Variants in SLC7A5 observed in about 807,000 individuals in gnomAD.
SLC7A5 encodes the protein large neutral amino acids transporter small subunit 1.
Under a neutral mutation model 50.2 loss-of-function variants are expected in SLC7A5, and 23 were observed. The ratio of observed to expected loss-of-function variants is 0.46; its 90% CI spans 0.33 to 0.65. SLC7A5 has a LOEUF of 0.65. SLC7A5 is among the 30% of genes least tolerant of loss of function. The pLI is 0.02. For synonymous variants in SLC7A5, 393 were observed against 330.6 expected (o/e 1.19, Z -2.05); for missense variants, 578 against 684.4 (o/e 0.84, Z 1.73).
chr16:87,856,860 A>G (rs2055328547), intron 1 of SLC7A5, among the ~76,000 whole-genome samples: 1 of 152,154 alleles, frequency 6.6e-6, no homozygotes, highest in Admixed American at 6.5e-5. Context: ...GGGGAGGCGG[A>G]TGGAAACCCA....
At chr16:87,851,041 A>G (rs901892026) in intron 2 of SLC7A5, among the ~76,000 whole-genome samples, 1 of 152,262 alleles carries the variant, frequency 6.6e-6, no homozygotes, top group African/African-American at 2.4e-5. Context: ...AAAAAGGCTC[A>G]GAATCAGTGA....
At chr16:87,866,887 C>T (rs141511561) in intron 1 of SLC7A5, among the ~76,000 whole-genome samples, 18 of 152,194 alleles carry the variant, frequency 1.2e-4, no homozygotes, top group African/African-American at 4.1e-4. Flanking sequence ...GCATTTCCCA[C>T]GACTCACTCC....
chr16:87,853,094 C>G lies in SLC7A5; in HGVS notation c.539-1245G>C, dbSNP rs556531115. 6.6e-6 allele frequency among the ~76,000 whole-genome samples: 1 copy of G among 151,824 alleles called. No individual in the cohort carries two copies. Among genetic ancestry groups the G allele is most frequent in the Non-Finnish European group, 1.5e-5 (1 of 68,040 alleles). ...AGGAAGGTGAGAGCATCAGAAAGGCCGTGGGCTCCTCTTCTCTCTTTCCCC... is the reference window on the plus strand; with the variant it reads ...AGGAAGGTGAGAGCATCAGAAAGGCGGTGGGCTCCTCTTCTCTCTTTCCCC... On this transcript the variant is annotated intron_variant, in intron 1 of 9. Transcript: ENST00000261622. This position sits in a 1 kb window ranked among gnomAD's most constrained non-coding sequence, Gnocchi z 4.4.
chr16:87,832,808 G>C lies in SLC7A5; in HGVS notation c.*162C>G. 4.3e-6 allele frequency: 3 copies of C among 692,046 alleles called. No homozygotes were observed. Among genetic ancestry groups the C allele is most frequent in the Non-Finnish European group, 8.0e-6 (3 of 374,622 alleles). 42.9% of individuals were successfully genotyped at this position (692,046 alleles called of 1,614,324 possible). The stretch of plus-strand genomic sequence containing the variant: ...CAGTTGAGGGATGAGATTCGTACCA[G>C]AGTTTTCACAGCAGCCTCCACTGCC... On this transcript the variant is annotated 3_prime_UTR_variant, in exon 10 of 10. Coordinates refer to ENST00000261622, the MANE Select transcript of SLC7A5 (RefSeq NM_003486.7). This position sits in a 1 kb window ranked among gnomAD's most constrained non-coding sequence, Gnocchi z 4.6.
rs1172853707 is a variant in SLC7A5 at position 87,841,638 on chromosome 16, G to A, written c.665-483C>T. On this transcript the variant is annotated intron_variant, in intron 2 of 9. Transcript: ENST00000261622. The surrounding 1 kb of genome is among the most constrained non-coding windows in gnomAD (Gnocchi z 4.8). Reference sequence around the variant, plus strand: ...TCGGAACAGACTGCCCTCCCTCCAGGGCTGGCAGGACAGGCCTGGGCAAGA... The same window carrying A: ...TCGGAACAGACTGCCCTCCCTCCAGAGCTGGCAGGACAGGCCTGGGCAAGA... Among the ~76,000 whole-genome samples, 1 of 152,190 alleles carries A rather than the reference G, an allele frequency of 6.6e-6. No individual in the cohort carries two copies. Among genetic ancestry groups the A allele is most frequent in the African/African-American group, 2.4e-5 (1 of 41,440 alleles).
Position 87,839,839 on chromosome 16 carries a change from GGAC to G in SLC7A5, c.816-17_816-15del, listed in dbSNP as rs758171933. 1 of 1,613,502 alleles carries G rather than the reference GGAC, an allele frequency of 6.2e-7. No individual in the cohort carries two copies. Among genetic ancestry groups the G allele is most frequent in the South Asian group, 1.1e-5 (1 of 91,056 alleles). On this transcript the variant is annotated splice_polypyrimidine_tract_variant and intron_variant, in intron 4 of 9. Transcript: ENST00000261622. ...AGGGGCAGGTTTCTGGAAAGAACAGGGACGACATGTCACCCAACGCAGCCCGGG... is the reference window on the plus strand; with the variant it reads ...AGGGGCAGGTTTCTGGAAAGAACAGGGACATGTCACCCAACGCAGCCCGGG...
In SLC7A5 at chr16:87,860,264, C is replaced by T. The variant is rs1262050471; in HGVS notation, c.539-8415G>A. Among the ~76,000 whole-genome samples the T allele has an allele frequency of 7.6e-5, 11 of 145,516 alleles. No homozygotes were observed. Among genetic ancestry groups the T allele is most frequent in the Non-Finnish European group, 6.0e-5 (4 of 66,732 alleles). On this transcript the variant is annotated intron_variant, in intron 1 of 9. Coordinates refer to ENST00000261622, the MANE Select transcript of SLC7A5 (RefSeq NM_003486.7). The surrounding 1 kb of genome is among the most constrained non-coding windows in gnomAD (Gnocchi z 4.8). The stretch of plus-strand genomic sequence containing the variant: ...AGGAGAATCACTTGAACCCAGGAGG[C>T]GGAGGTTGCAGTGAACTGAGATCAT...
At chr16:87,854,081 C>G (rs913379092) in intron 1 of SLC7A5, 29 of 143,306 alleles carry the variant, frequency 2.0e-4, no homozygotes, top group African/African-American at 5.9e-4. Flanking sequence ...CGCCCCCCCC[C>G]CCACCGCCAG....
rs114657354 is a variant in SLC7A5 at position 87,852,393 on chromosome 16, C to T, written c.539-544G>A. On this transcript the variant is annotated intron_variant, in intron 1 of 9. Coordinates refer to ENST00000261622, the MANE Select transcript of SLC7A5 (RefSeq NM_003486.7). The surrounding 1 kb of genome is among the most constrained non-coding windows in gnomAD (Gnocchi z 4.5). The stretch of plus-strand genomic sequence containing the variant: ...AACTACCTGGCCAGTCACCTGGGGA[C>T]GGCAGCCTGGGAGGGGCCACAGGGG... Among the ~76,000 whole-genome samples, 1,373 of 152,244 alleles carry T rather than the reference C, an allele frequency of 9.0e-3. 16 individuals carry two copies. The highest frequency in any genetic ancestry group is 0.032 in the African/African-American group (1,317 of 41,544).
intron 1 of SLC7A5, among the ~76,000 whole-genome samples, chr16:87,867,226 G>T (rs1338007478): frequency 2.0e-5 from 3 of 152,198 alleles, no homozygotes; most frequent in African/African-American, 7.2e-5. Context: ...AGCCAACCAG[G>T]GGTTCATTTT....
At chr16:87,850,413 C>T (rs1290788000) in intron 2 of SLC7A5, among the ~76,000 whole-genome samples, 1 of 152,200 alleles carries the variant, frequency 6.6e-6, no homozygotes, top group African/African-American at 2.4e-5. Context: ...TTGCCCTGTC[C>T]TCTGCAGCCC....
intron 8 of SLC7A5, 155 bp from the exon 9 acceptor site, chr16:87,834,746 C>T (rs781385564): frequency 2.5e-4 from 192 of 768,004 alleles, no homozygotes; most frequent in Non-Finnish European, 3.9e-4. Context: ...CCTCACACAC[C>T]GGGCTGTCCC....
At position 87,869,123 on chromosome 16, in the gene SLC7A5, C is replaced by G. The variant is rs745361425; in HGVS notation, c.300G>C (p.Ala100=). ...TGGTGCCGAGCTCCGCGTAGCAGAG[C>G]GCGCCCACGATGGAGAAGACGCCGC... ...AACGVFSIVG[A]LCYAELGTTI... The change falls in exon 1 of 10, where the codon GCG becomes GCC. Residue 100 remains alanine, a synonymous_variant. Transcript: ENST00000261622. The G allele has an allele frequency of 4.3e-6, 7 of 1,611,708 alleles. No homozygotes were observed. Among genetic ancestry groups the G allele is most frequent in the Non-Finnish European group, 5.9e-6 (7 of 1,179,778 alleles).
intron 2 of SLC7A5, among the ~76,000 whole-genome samples, chr16:87,848,036 A>G (rs1377812779): frequency 6.6e-6 from 1 of 152,164 alleles, no homozygotes; most frequent in Non-Finnish European, 1.5e-5. Flanking sequence ...AGCCCTGCCC[A>G]GGGGAAGCAT....
intron 2 of SLC7A5, among the ~76,000 whole-genome samples, chr16:87,843,073 G>A (rs1389352351): frequency 1.3e-5 from 2 of 152,170 alleles, no homozygotes; most frequent in Non-Finnish European, 2.9e-5. Flanking sequence ...CTCATGGTGG[G>A]AGGGGGTGAA....
At chr16:87,838,654 G>C in intron 6 of SLC7A5, 60 bp downstream of exon 6, 1 of 1,253,318 alleles carries the variant, frequency 8.0e-7, no homozygotes, top group Non-Finnish European at 1.2e-6. Context: ...CATGGAACAT[G>C]TTGAACCTGG....
intron 2 of SLC7A5, among the ~76,000 whole-genome samples, chr16:87,847,919 G>A (rs1370976817): frequency 2.0e-5 from 3 of 152,168 alleles, no homozygotes; most frequent in African/African-American, 7.2e-5. Context: ...CCTGGGACAC[G>A]GGACCGTCCA....
intron 2 of SLC7A5, among the ~76,000 whole-genome samples, chr16:87,849,415 G>A (rs2055192142): frequency 6.6e-6 from 1 of 152,198 alleles, no homozygotes; most frequent in Non-Finnish European, 1.5e-5. Flanking sequence ...CACGGTGGGA[G>A]GACGCTTTCA....
At chr16:87,838,640 C>T in intron 6 of SLC7A5, 74 bp downstream of exon 6, 1 of 1,139,720 alleles carries the variant, frequency 8.8e-7, no homozygotes, top group Non-Finnish European at 1.3e-6. Flanking sequence ...AAACCTTTTA[C>T]AGACATGGAA....
Sources: allele counts gnomAD v4.1 joint callset (sites outside exome capture counted in the v4.1 genomes callset), GRCh38; gene constraint gnomAD v4.1.1; non-coding constraint Gnocchi (gnomAD v3.1); transcripts MANE v1.5; gene names NCBI Gene and HGNC (gene_info 2026-07-23, HGNC 2026-07-21).